Variants in THSD7B observed in about 807,000 individuals in gnomAD.
THSD7B encodes thrombospondin type 1 domain containing 7B.
A neutral mutation model predicts 213.6 loss-of-function variants in THSD7B; 138 were observed. The observed-to-expected ratio is 0.65, with a 90% CI of 0.56 to 0.74. The LOEUF (loss-of-function observed/expected upper bound fraction) is 0.74, where lower values mean the gene tolerates loss of function less well. THSD7B is among the 30% of genes least tolerant of loss of function. The pLI is 0.00. For synonymous variants in THSD7B, 742 were observed against 687.0 expected (o/e 1.08, Z -1.25); for missense variants, 1,931 against 1,991.5 (o/e 0.97, Z 0.58).
chr2:137,110,544 A>C (rs945746220), intron 4 of THSD7B, among the ~76,000 whole-genome samples: 2 of 152,154 alleles, frequency 1.3e-5, no homozygotes, highest in African/African-American at 4.8e-5. Context: ...CAAAGTAGGG[A>C]CATCAGAGCT....
At chr2:137,153,748 T>C (rs982980708) in intron 5 of THSD7B, among the ~76,000 whole-genome samples, 3 of 152,168 alleles carry the variant, frequency 2.0e-5, no homozygotes, top group Non-Finnish European at 2.9e-5. Context: ...GAGGCCTATT[T>C]ATTTTAGCAG....
intron 14 of THSD7B, among the ~76,000 whole-genome samples, chr2:137,435,766 A>G (rs1380379968): frequency 6.6e-6 from 1 of 152,168 alleles, no homozygotes; most frequent in African/African-American, 2.4e-5. Flanking sequence ...TAAGGAAGCA[A>G]AGAGGAACTC....
intron 21 of THSD7B, among the ~76,000 whole-genome samples, chr2:137,648,266 A>G (rs937402475): frequency 1.3e-5 from 2 of 152,132 alleles, no homozygotes; most frequent in Non-Finnish European, 2.9e-5. Flanking sequence ...TTTGAAATAT[A>G]TAGTAGATTA....
chr2:137,588,760 CTTTATTTATTTATTTATTTA>C (rs137892635), intron 17 of THSD7B, among the ~76,000 whole-genome samples: 1 of 146,998 alleles, frequency 6.8e-6, no homozygotes, highest in African/African-American at 2.5e-5. Flanking sequence ...TCATGTTGTC[CTTTATTTATTTATTTATTTA>C]TTTATTTATT....
At chr2:136,827,420 T>C (rs541099724) in intron 1 of THSD7B, among the ~76,000 whole-genome samples, 1 of 152,320 alleles carries the variant, frequency 6.6e-6, no homozygotes, top group South Asian at 2.1e-4. Flanking sequence ...AATTTAAGTT[T>C]AGTTCTCTAG....
At chr2:136,912,631 G>T (rs530408587) in intron 2 of THSD7B, among the ~76,000 whole-genome samples, 42 of 152,276 alleles carry the variant, frequency 2.8e-4, no homozygotes, top group Non-Finnish European at 4.9e-4. Context: ...CCAGTGGGAG[G>T]TAATTGGATT....
At chr2:137,168,649 G>T (rs1680180227) in intron 6 of THSD7B, among the ~76,000 whole-genome samples, 2 of 152,134 alleles carry the variant, frequency 1.3e-5, no homozygotes, top group South Asian at 4.1e-4. Context: ...CAAATAATAG[G>T]ACACCCAGAA....
chr2:136,917,706 A>G (rs1684371955), intron 2 of THSD7B, among the ~76,000 whole-genome samples: 1 of 152,226 alleles, frequency 6.6e-6, no homozygotes, highest in African/African-American at 2.4e-5. Context: ...GAGTCTATGT[A>G]ACCCGAGCCA....
intron 5 of THSD7B, among the ~76,000 whole-genome samples, chr2:137,132,650 G>C (rs1688759377): frequency 6.6e-6 from 1 of 152,104 alleles, no homozygotes; most frequent in Non-Finnish European, 1.5e-5. Flanking sequence ...TAAGATAGTG[G>C]AATCATAAGG....
intron 12 of THSD7B, among the ~76,000 whole-genome samples, chr2:137,379,996 A>G (rs1158888169): frequency 1.3e-5 from 2 of 152,206 alleles, no homozygotes; most frequent in African/African-American, 4.8e-5. Context: ...GACAATACCA[A>G]TGCATGTCCT....
chr2:137,462,080 T>G (rs1687895602), intron 15 of THSD7B, among the ~76,000 whole-genome samples: 1 of 152,094 alleles, frequency 6.6e-6, no homozygotes, highest in Non-Finnish European at 1.5e-5. Context: ...AAAAGAAAAA[T>G]TCCAGAAATA....
chr2:137,625,218 C>T (rs1010906289), intron 20 of THSD7B, among the ~76,000 whole-genome samples: 2 of 151,468 alleles, frequency 1.3e-5, no homozygotes, highest in Non-Finnish European at 2.9e-5. Context: ...AGCAAACTAT[C>T]ACAAGGTCAG....
intron 15 of THSD7B, among the ~76,000 whole-genome samples, chr2:137,467,214 C>T (rs1255435589): frequency 1.3e-5 from 2 of 152,120 alleles, no homozygotes; most frequent in Admixed American, 6.6e-5. Context: ...GTCTGACGAA[C>T]TGGGATACAT....
chr2:137,313,750 T>A (rs781741660), intron 12 of THSD7B, among the ~76,000 whole-genome samples: 38 of 152,180 alleles, frequency 2.5e-4, no homozygotes, highest in Non-Finnish European at 5.1e-4. Flanking sequence ...GGATTTTATT[T>A]CCCCTTCACT....
chr2:137,418,567 T>C (rs1038291545), intron 14 of THSD7B, among the ~76,000 whole-genome samples: 9 of 152,230 alleles, frequency 5.9e-5, no homozygotes, highest in Non-Finnish European at 7.3e-5. Flanking sequence ...ATTACTCTTC[T>C]AGATATTTTG....
chr2:136,952,018 C>T (rs920864869), intron 2 of THSD7B, among the ~76,000 whole-genome samples: 3 of 152,028 alleles, frequency 2.0e-5, no homozygotes, highest in Non-Finnish European at 4.4e-5. Flanking sequence ...TACAGGCACG[C>T]ACCATCACGC....
rs200389806 is a variant in THSD7B at position 136,890,303 on chromosome 2, C to CTTCTT, written c.139+7986_139+7987insTTCTT. 1.9e-3 allele frequency among the ~76,000 whole-genome samples: 10 copies of CTTCTT among 5,166 alleles called. 2 individuals carry two copies. Among genetic ancestry groups the CTTCTT allele is most frequent in the African/African-American group, 5.7e-3 (10 of 1,752 alleles). The allele number at this position is 5,166 out of a possible 152,430, so 3.4% of individuals were successfully genotyped here. On this transcript the variant is annotated intron_variant, in intron 2 of 27. Transcript: ENST00000409968. ...TGCTCATTCATGTCCATGTCCTACTCCTTCTTCTTCTTCTTCTTCTTCTTC... is the reference window on the plus strand; with the variant it reads ...TGCTCATTCATGTCCATGTCCTACTCTTCTTCTTCTTCTTCTTCTTCTTCTTCTTC...
At chr2:137,219,524 T>G (rs1009758293) in intron 7 of THSD7B, among the ~76,000 whole-genome samples, 2 of 152,186 alleles carry the variant, frequency 1.3e-5, no homozygotes, top group African/African-American at 4.8e-5. Context: ...TCTTGCTTTT[T>G]GCATACTTTA....
chr2:137,529,454 C>T (rs531630508), intron 15 of THSD7B, among the ~76,000 whole-genome samples: 18 of 151,836 alleles, frequency 1.2e-4, no homozygotes, highest in African/African-American at 4.3e-4. Context: ...GGCTTTAGTG[C>T]ATAGGGAGGC....
Sources: allele counts gnomAD v4.1 joint callset (sites outside exome capture counted in the v4.1 genomes callset), GRCh38; gene constraint gnomAD v4.1.1; transcripts MANE v1.5; gene names NCBI Gene and HGNC (gene_info 2026-07-23, HGNC 2026-07-21).